The following CFAP92 variants were observed in gnomAD, a reference collection of about 807,000 sequenced individuals.
CFAP92 encodes the protein cilia and flagella associated protein 92 (putative).
A neutral mutation model predicts 106.3 loss-of-function variants in CFAP92; 86 were observed. That is an observed-to-expected ratio of 0.81 (90% confidence interval 0.68 to 0.97). CFAP92 has a LOEUF of 0.97. Ranked by LOEUF, CFAP92 falls within the 50% of genes least tolerant of loss-of-function variation. The pLI, the probability that CFAP92 is intolerant of heterozygous loss-of-function variation, is 0.00. For synonymous variants in CFAP92, 477 were observed against 506.4 expected, an observed-to-expected ratio of 0.94 and a Z score of 0.78; for missense variants, 1,204 against 1,283.8, an observed-to-expected ratio of 0.94 and a Z score of 0.95.
At chr3:128,918,190 C>T (rs1421033772) in intron 12 of CFAP92, among the ~76,000 whole-genome samples, 1 of 152,188 alleles carries the variant, frequency 6.6e-6, no homozygotes, top group Non-Finnish European at 1.5e-5. Context: ...ACTCTTGGGG[C>T]CAGATGTGGT....
intron 10 of CFAP92, among the ~76,000 whole-genome samples, chr3:128,938,942 A>AACT (rs1484199576): frequency 1.1e-4 from 17 of 152,166 alleles, no homozygotes; most frequent in Non-Finnish European, 2.2e-4. Flanking sequence ...ACAAAACAAA[A>AACT]ACTCCTAGAA....
At chr3:128,941,672 T>C (rs1939649140) in intron 10 of CFAP92, among the ~76,000 whole-genome samples, 1 of 152,202 alleles carries the variant, frequency 6.6e-6, no homozygotes, top group South Asian at 2.1e-4. Context: ...AGATGGGGTT[T>C]CACCATGTTG....
intron 15 of CFAP92, chr3:128,912,998 A>G (rs1428521150): frequency 2.2e-6 from 1 of 462,512 alleles, no homozygotes; most frequent in South Asian, 1.5e-5. Flanking sequence ...ATTCTCTAAG[A>G]AACAGCTTGA....
upstream of CFAP92, among the ~76,000 whole-genome samples, chr3:128,998,785 G>A (rs936610607): frequency 6.6e-6 from 1 of 152,190 alleles, no homozygotes; most frequent in Non-Finnish European, 1.5e-5. Context: ...CTCAGTTCCT[G>A]TGCAAAGAAA....
At chr3:129,008,083 T>A in the CFAP92 span, among the ~76,000 whole-genome samples, 2 of 152,186 alleles carry the variant, frequency 1.3e-5, no homozygotes, top group African/African-American at 4.8e-5. Context: ...TTCAGAGCAG[T>A]TTTCCATCTG....
upstream of CFAP92, among the ~76,000 whole-genome samples, chr3:128,995,510 A>C (rs961745515): frequency 6.6e-6 from 1 of 152,190 alleles, no homozygotes; most frequent in Non-Finnish European, 1.5e-5. Context: ...AAAGCTACTC[A>C]GATACACCAG....
intron 12 of CFAP92, among the ~76,000 whole-genome samples, chr3:128,931,497 A>G (rs932990130): frequency 7.7e-6 from 1 of 129,148 alleles, no homozygotes; most frequent in South Asian, 2.6e-4. Context: ...ATGTATGTAT[A>G]TGTATATATG....
At chr3:128,939,006 T>C (rs1160973707) in intron 10 of CFAP92, among the ~76,000 whole-genome samples, 1 of 152,186 alleles carries the variant, frequency 6.6e-6, no homozygotes, top group African/African-American at 2.4e-5. Flanking sequence ...AAAAATCACG[T>C]CTATTTTCAG....
At chr3:129,012,158 T>G in the CFAP92 span, among the ~76,000 whole-genome samples, 19 of 152,248 alleles carry the variant, frequency 1.2e-4, no homozygotes, top group Admixed American at 6.5e-4. Context: ...TTTTCTTTGG[T>G]GTCTTGATGC....
intron 12 of CFAP92, among the ~76,000 whole-genome samples, chr3:128,931,681 A>G (rs1938410418): frequency 6.6e-6 from 1 of 152,068 alleles, no homozygotes; most frequent in African/African-American, 2.4e-5. Context: ...CAGAATTGAT[A>G]AATCCAAGAA....
chr3:128,961,799 A>G (rs997714855), intron 9 of CFAP92, among the ~76,000 whole-genome samples: 2 of 152,118 alleles, frequency 1.3e-5, no homozygotes, highest in Non-Finnish European at 2.9e-5. Flanking sequence ...CGGCCCTCAA[A>G]CCCCACAACA....
chr3:129,024,607 A>G, the CFAP92 span, among the ~76,000 whole-genome samples: 39,838 of 152,046 alleles, frequency 0.26, 5,574 homozygotes, highest in Middle Eastern at 0.39. Flanking sequence ...AGTAAAGGGC[A>G]TGTCACATCT....
In CFAP92 at chr3:128,921,789, C is replaced by A. The variant is rs1937310802; in HGVS notation, c.2752-5518G>T. On this transcript the variant is annotated intron_variant, in intron 12 of 15. Transcript: ENST00000645291. ...GAGGGGCCTGCCTCAGGCCCCTCAACAAACCAAGGCATATCCGGCACAGCC... is the reference window on the plus strand; with the variant it reads ...GAGGGGCCTGCCTCAGGCCCCTCAAAAAACCAAGGCATATCCGGCACAGCC... Among the ~76,000 whole-genome samples the A allele has an allele frequency of 3.9e-5, 6 of 152,190 alleles. 1 individual carries two copies. In the South Asian group the frequency reaches 1.2e-3, roughly 32 times the overall value.
the CFAP92 span, among the ~76,000 whole-genome samples, chr3:129,026,010 G>A: frequency 1.2e-4 from 19 of 152,310 alleles, no homozygotes; most frequent in Non-Finnish European, 2.4e-4. Context: ...CCTCTCCCGC[G>A]GTGCGGCTCC....
At chr3:129,007,908 C>T in the CFAP92 span, among the ~76,000 whole-genome samples, 34 of 152,286 alleles carry the variant, frequency 2.2e-4, no homozygotes, top group Admixed American at 7.2e-4. Context: ...ATTTTAAAGT[C>T]TCTTGTGGAT....
chr3:128,926,743 G>A (rs575718160), intron 12 of CFAP92, among the ~76,000 whole-genome samples: 2 of 152,266 alleles, frequency 1.3e-5, no homozygotes, highest in East Asian at 1.9e-4. Context: ...AAGTAATTAA[G>A]GTTAAATGAG....
chr3:128,971,339 G>A lies in CFAP92; in HGVS notation c.1116C>T (p.Pro372=), dbSNP rs376360333. The change falls in exon 8 of 16, where the codon CCC becomes CCT. Residue 372 remains proline (P), a synonymous_variant. Coordinates refer to ENST00000645291, the MANE Select transcript of CFAP92 (RefSeq NM_001394090.1). ...GGATGGAGAAAGCGCTCTGCTTCCT[G>A]GGGCCTGTCAGCGTGGGGTCTGCCT... ...EEEADPTLTG[P]RKQSAFSIQL... 3 of 1,613,594 alleles carry A rather than the reference G, an allele frequency of 1.9e-6. No individual in the cohort carries two copies. Among genetic ancestry groups the A allele is most frequent in the Non-Finnish European group, 2.5e-6 (3 of 1,179,746 alleles).
intron 8 of CFAP92, chr3:128,969,184 T>C (rs1942599853): frequency 6.6e-6 from 1 of 152,024 alleles, no homozygotes; most frequent in South Asian, 2.1e-4. Flanking sequence ...CCCAAAACAT[T>C]GCTCTTAACT....
intron 9 of CFAP92, among the ~76,000 whole-genome samples, chr3:128,963,911 T>C (rs1942160270): frequency 6.6e-6 from 1 of 151,786 alleles, no homozygotes; most frequent in East Asian, 1.9e-4. Flanking sequence ...ACTGGCAAAT[T>C]AGCTTTACTC....
Sources: allele counts gnomAD v4.1 joint callset (sites outside exome capture counted in the v4.1 genomes callset), GRCh38; gene constraint gnomAD v4.1.1; transcripts MANE v1.5; gene names NCBI Gene and HGNC (gene_info 2026-07-23, HGNC 2026-07-21).